Variants in PLCB1 observed in about 807,000 individuals in gnomAD.
PLCB1 encodes the protein phospholipase C beta 1, also known as 1-phosphatidylinositol 4,5-bisphosphate phosphodiesterase beta-1.
Under a neutral mutation model 161.8 loss-of-function variants are expected in PLCB1, and 46 were observed. The observed-to-expected ratio is 0.28, with a 90% confidence interval of 0.22 to 0.36. The LOEUF (loss-of-function observed/expected upper bound fraction) is 0.36. Ranked by LOEUF, PLCB1 falls within the 10% of genes least tolerant of loss-of-function variation. The pLI is 1.00. For synonymous variants in PLCB1, 517 were observed against 503.7 expected, an observed-to-expected ratio of 1.03 and a Z score of -0.35; for missense variants, 1,016 against 1,472.5, an observed-to-expected ratio of 0.69 and a Z score of 5.07.
rs141857911 is a variant in PLCB1, at chr20:8,722,367, G to A, written c.1527G>A (p.Thr509=). The A allele has an allele frequency of 6.1e-5, 99 of 1,610,920 alleles. No homozygotes were observed. The highest frequency in any genetic ancestry group is 2.5e-4 in the African/African-American group (19 of 74,680). ...AAAATTTGACAGGAGAAGCTGATAC[G>A]GAAAGTGACGACGACGATGATGATG... ...PSSPGAGEAD[T]ESDDDDDDDD... The change falls in exon 15 of 32, where the codon ACG becomes ACA. Residue 509 remains threonine, a synonymous_variant. Transcript: ENST00000338037.
At chr20:8,219,530 G>C (rs1409669485) in intron 2 of PLCB1, among the ~76,000 whole-genome samples, 1 of 152,142 alleles carries the variant, frequency 6.6e-6, no homozygotes, top group Non-Finnish European at 1.5e-5. Flanking sequence ...ACTGTAACAT[G>C]AGCGATTTAG....
intron 3 of PLCB1, among the ~76,000 whole-genome samples, chr20:8,448,783 G>A (rs1980947574): frequency 1.3e-5 from 2 of 152,106 alleles, no homozygotes; most frequent in Admixed American, 1.3e-4. Context: ...TTGTATGAGT[G>A]GTGAGGACAA....
chr20:8,657,239 A>G lies in PLCB1; in HGVS notation c.650A>G (p.Asn217Ser), dbSNP rs1032443644. Residue 217 changes from asparagine to serine, a missense_variant, in exon 8 of 32, where the codon AAC becomes AGC. Physicochemically the swap from Asn to Ser is conservative, Grantham distance 46 (BLOSUM62 1). This residue lies in a region of PLCB1 where 117 missense variants were observed against 142.2 expected (regional missense o/e 0.82). Transcript: ENST00000338037. ...CCAGAAGTGTACAGAGTTTTCCTCA[A>G]CAACCTTTGCCCTCGACCTGAAATT... ...FTPEVYRVFL[N>S]NLCPRPEIDN... The G allele has an allele frequency of 1.2e-6, 2 of 1,610,552 alleles. No individual in the cohort carries two copies. The highest frequency in any genetic ancestry group is 1.7e-6 in the Non-Finnish European group (2 of 1,176,986).
At chr20:8,533,038 A>C (rs1434479686) in intron 3 of PLCB1, among the ~76,000 whole-genome samples, 1 of 99,678 alleles carries the variant, frequency 1.0e-5, no homozygotes, top group Admixed American at 1.5e-4. Flanking sequence ...AATAGTCCCC[A>C]GAGTGTGATG....
At chr20:8,304,111 G>A (rs988353455) in intron 2 of PLCB1, among the ~76,000 whole-genome samples, 1 of 152,144 alleles carries the variant, frequency 6.6e-6, no homozygotes, top group Non-Finnish European at 1.5e-5. Flanking sequence ...GTAAGTCCTG[G>A]CCCAGTAAAA....
In PLCB1 at chr20:8,342,331, T is replaced by G. The variant is rs576788957; in HGVS notation, c.178-29051T>G. Among the ~76,000 whole-genome samples, 3 of 152,360 alleles carry G rather than the reference T, an allele frequency of 2.0e-5. No homozygotes were observed. The South Asian group carries it at 6.2e-4, about 32-fold the overall frequency. ...AAATATACATTAGTTTACTCATTAA[T>G]GAATTTATAATCTAAGATGAACTGA... On this transcript the variant is annotated intron_variant, in intron 2 of 31. Transcript: ENST00000338037.
chr20:8,134,487 A>T (rs1470862077), intron 1 of PLCB1, among the ~76,000 whole-genome samples: 1 of 152,240 alleles, frequency 6.6e-6, no homozygotes, highest in Non-Finnish European at 1.5e-5. Context: ...ATTGAGAATG[A>T]AAGTATTCTA....
intron 1 of PLCB1, 110 bp from the exon 2 acceptor site, chr20:8,150,184 T>C (rs1051474475): frequency 2.2e-6 from 1 of 461,470 alleles, no homozygotes; most frequent in Non-Finnish European, 3.9e-6. Context: ...TTTTTCTTAA[T>C]AATTGACTAC....
Position 8,585,294 on chromosome 20 carries a change from C to T in PLCB1, c.247-43000C>T, listed in dbSNP as rs187581003. ...TGTGCATGTCCTGGAGCCAGAGCCA[C>T]CATGCTGTCCCATAAGCTGCGGTCT... On this transcript the variant is annotated intron_variant, in intron 3 of 31. Transcript: ENST00000338037. 5.9e-5 allele frequency among the ~76,000 whole-genome samples: 9 copies of T among 152,308 alleles called. No individual in the cohort carries two copies. The East Asian group carries it at 1.4e-3, about 23-fold the overall frequency.
At chr20:8,382,500 G>T (rs1037505343) in intron 3 of PLCB1, among the ~76,000 whole-genome samples, 1 of 149,296 alleles carries the variant, frequency 6.7e-6, no homozygotes, top group Non-Finnish European at 1.5e-5. Context: ...AGCCAGGATG[G>T]TCTCGATCTC....
At chr20:8,199,524 T>G (rs901238573) in intron 2 of PLCB1, among the ~76,000 whole-genome samples, 1 of 152,178 alleles carries the variant, frequency 6.6e-6, no homozygotes, top group African/African-American at 2.4e-5. Flanking sequence ...TTTTATTTCT[T>G]TATTTTGAAG....
intron 2 of PLCB1, among the ~76,000 whole-genome samples, chr20:8,158,689 A>G (rs1340164802): frequency 2.0e-5 from 3 of 152,198 alleles, no homozygotes; most frequent in South Asian, 2.1e-4. Flanking sequence ...TCTAGATACA[A>G]TGGAGGTATA....
intron 31 of PLCB1, among the ~76,000 whole-genome samples, chr20:8,870,797 C>T (rs1987582877): frequency 6.6e-6 from 1 of 151,192 alleles, no homozygotes; most frequent in Non-Finnish European, 1.5e-5. Flanking sequence ...ATTAGCATTC[C>T]AGAAGTCTGA....
intron 2 of PLCB1, among the ~76,000 whole-genome samples, chr20:8,203,341 A>C (rs1417949386): frequency 6.6e-6 from 1 of 152,212 alleles, no homozygotes; most frequent in Non-Finnish European, 1.5e-5. Flanking sequence ...GTGTGACCAG[A>C]TGGAAAGTGA....
rs908965701 is a variant in PLCB1, at chr20:8,686,377, T to C, written c.1009+1299T>C. Among the ~76,000 whole-genome samples the C allele has an allele frequency of 2.6e-5, 4 of 152,222 alleles. No homozygotes were observed. In the East Asian group the frequency reaches 7.7e-4, roughly 29 times the overall value. ...CAAAAATACTTAAATATATGTCCGG[T>C]TGAATTTTGGGTATTGTGTGTGATT... On this transcript the variant is annotated intron_variant, in intron 10 of 31. Coordinates refer to ENST00000338037, the MANE Select transcript of PLCB1 (RefSeq NM_015192.4).
intron 29 of PLCB1, 152 bp from the exon 30 acceptor site, chr20:8,789,366 G>A (rs895932398): frequency 4.6e-5 from 29 of 625,264 alleles, no homozygotes; most frequent in South Asian, 7.8e-5. Flanking sequence ...GCAACAGAGC[G>A]AAACCTTGTC....
At chr20:8,710,713 C>T (rs546899705) in intron 12 of PLCB1, among the ~76,000 whole-genome samples, 1 of 152,012 alleles carries the variant, frequency 6.6e-6, no homozygotes. Context: ...GGGGATTCTC[C>T]ATGTTGGTCA....
intron 3 of PLCB1, among the ~76,000 whole-genome samples, chr20:8,374,835 A>G (rs572269011): frequency 2.8e-4 from 43 of 152,332 alleles, no homozygotes; most frequent in Non-Finnish European, 5.6e-4. Flanking sequence ...TGTGAAGCAG[A>G]TATTTATCAA....
At chr20:8,420,620 A>G (rs1426924408) in intron 3 of PLCB1, among the ~76,000 whole-genome samples, 1 of 152,158 alleles carries the variant, frequency 6.6e-6, no homozygotes, top group Non-Finnish European at 1.5e-5. Flanking sequence ...AAGAGAGAAC[A>G]CGTAGTGTTT....
Sources: gnomAD v4.1 joint callset for allele counts (sites outside exome capture counted in the v4.1 genomes callset) on GRCh38, gnomAD v4.1.1 for gene constraint, gnomAD v4.1.1 regional missense constraint, MANE v1.5 for transcripts, NCBI Gene and HGNC (gene_info 2026-07-23, HGNC 2026-07-21) for gene names.